The following GPR158 variants were observed in gnomAD, a reference collection of about 807,000 sequenced individuals.
The protein encoded by GPR158 is metabotropic glycine receptor.
Under a neutral mutation model 78.2 loss-of-function variants are expected in GPR158, and 30 were observed. That is an observed-to-expected ratio of 0.38 (90% CI 0.29 to 0.52). GPR158 has a LOEUF of 0.52. Ranked by LOEUF, GPR158 falls within the 20% of genes least tolerant of loss-of-function variation. The probability of loss-of-function intolerance (pLI) is 0.83; values close to 1 mark genes in which losing one functional copy is unlikely to be tolerated. For missense variants in GPR158, 1,463 were observed against 1,523.5 expected (o/e 0.96, Z 0.66); for synonymous variants, 581 against 591.1 (o/e 0.98, Z 0.25).
At chr10:25,311,918 G>A (rs191715051) in intron 2 of GPR158, among the ~76,000 whole-genome samples, 4 of 152,064 alleles carry the variant, frequency 2.6e-5, no homozygotes, top group African/African-American at 9.6e-5. Flanking sequence ...AGATTGATAT[G>A]GTTGTACATT....
chr10:25,524,771 A>G (rs909801657), intron 5 of GPR158, among the ~76,000 whole-genome samples: 6 of 152,256 alleles, frequency 3.9e-5, no homozygotes, highest in Non-Finnish European at 7.3e-5. Context: ...GTGACAAAAG[A>G]TGAAATACAT....
chr10:25,378,756 A>G (rs186968804), intron 2 of GPR158, among the ~76,000 whole-genome samples: 4 of 152,216 alleles, frequency 2.6e-5, no homozygotes, highest in African/African-American at 4.8e-5. Context: ...TATCAGCACC[A>G]TTTAACTGGA....
At chr10:25,226,392 C>T (rs1853373400) in intron 2 of GPR158, among the ~76,000 whole-genome samples, 2 of 152,282 alleles carry the variant, frequency 1.3e-5, no homozygotes, top group South Asian at 4.1e-4. Flanking sequence ...CCCTGAGTTT[C>T]CTTGTACACT....
At chr10:25,485,289 G>T (rs1564468544) in intron 5 of GPR158, among the ~76,000 whole-genome samples, 1 of 151,830 alleles carries the variant, frequency 6.6e-6, no homozygotes, top group Non-Finnish European at 1.5e-5. Flanking sequence ...TACTTTAAGT[G>T]TCAAGGGCTA....
At position 25,175,911 on chromosome 10, in the gene GPR158, T is replaced by A; in HGVS notation, c.491T>A (p.Leu164His). ...TGGTACCAGGCGCTGGTGTGGAGCC[T>A]TCTGGAGGGCGAGCCCAGCATCTCC... ...LDWYQALVWSLLEGEPSISRA... is the reference protein window; with the variant it reads ...LDWYQALVWSHLEGEPSISRA... Residue 164 changes from leucine (L) to histidine (H), a missense_variant, in exon 1 of 11, where the codon CTT (leucine) becomes CAT (histidine). Physicochemically the swap from Leu to His is moderately conservative, Grantham distance 99. Coordinates refer to ENST00000376351, the MANE Select transcript of GPR158 (RefSeq NM_020752.3). The surrounding 1 kb of genome is among the most constrained non-coding windows in gnomAD (Gnocchi z 6.4). 1 of 1,613,778 alleles carries A rather than the reference T, an allele frequency of 6.2e-7. No homozygotes were observed. The highest frequency in any genetic ancestry group is 8.5e-7 in the Non-Finnish European group (1 of 1,179,984).
intron 2 of GPR158, among the ~76,000 whole-genome samples, chr10:25,357,537 C>T (rs1475521163): frequency 6.6e-6 from 1 of 152,062 alleles, no homozygotes; most frequent in East Asian, 1.9e-4. Flanking sequence ...CAGTCATGAC[C>T]AAAATGGGCC....
intron 2 of GPR158, among the ~76,000 whole-genome samples, chr10:25,249,353 A>C (rs1414527246): frequency 2.0e-5 from 3 of 152,170 alleles, no homozygotes; most frequent in Non-Finnish European, 2.9e-5. Flanking sequence ...ACTATGTTGA[A>C]TAGGAGTGGT....
intron 1 of GPR158, among the ~76,000 whole-genome samples, chr10:25,181,182 G>C (rs773236807): frequency 1.3e-5 from 2 of 152,192 alleles, no homozygotes; most frequent in East Asian, 1.9e-4. Context: ...AGGAATAGCC[G>C]AGAGGTGTTT....
intron 4 of GPR158, among the ~76,000 whole-genome samples, chr10:25,454,499 C>G (rs1362955631): frequency 6.6e-6 from 1 of 152,054 alleles, no homozygotes; most frequent in Non-Finnish European, 1.5e-5. Flanking sequence ...TTGAAGAAGG[C>G]AAGCCTGGAT....
rs144206996 is a variant in GPR158 at position 25,366,179 on chromosome 10, T to A, written c.1009-29732T>A. Among the ~76,000 whole-genome samples the A allele has an allele frequency of 1.2e-3, 185 of 151,820 alleles. 2 individuals are homozygous for A. The highest frequency in any genetic ancestry group is 2.4e-3 in the Admixed American group (37 of 15,198). ...TGTTTTTTTGGTAATTTGGGACTGT[T>A]ACAAATAGTCCATTTATTTTTGCAT... On this transcript the variant is annotated intron_variant, in intron 2 of 10. Transcript: ENST00000376351.
chr10:25,520,648 G>A (rs899970987), intron 5 of GPR158, among the ~76,000 whole-genome samples: 5 of 151,456 alleles, frequency 3.3e-5, no homozygotes, highest in Admixed American at 3.3e-4. Context: ...AGGTGTCAGT[G>A]TGCCCCTGCT....
At chr10:25,221,199 C>T (rs1342812497) in intron 2 of GPR158, 42 bp downstream of exon 2, 6 of 995,300 alleles carry the variant, frequency 6.0e-6, no homozygotes, top group Non-Finnish European at 9.4e-6. Context: ...CTCAGGAATA[C>T]ATTATTTTGA....
At chr10:25,429,915 G>T (rs1420623275) in intron 4 of GPR158, among the ~76,000 whole-genome samples, 3 of 139,398 alleles carry the variant, frequency 2.2e-5, no homozygotes, top group African/African-American at 8.2e-5. Flanking sequence ...TACTGAATGG[G>T]CAAAAACTGG....
At chr10:25,555,713 G>T (rs4749047) in intron 6 of GPR158, among the ~76,000 whole-genome samples, 86,350 of 151,816 alleles carry the variant, frequency 0.57, 26,621 homozygotes, top group African/African-American at 0.82. Flanking sequence ...GAAGACTCTT[G>T]GGCTTTTCCT....
At position 25,434,139 on chromosome 10, in the gene GPR158, C is replaced by T. The variant is rs112320161; in HGVS notation, c.1335+21666C>T. ...ATGCGCCACTGCACTCCAGCCTGGG[C>T]GACACAGCAAGACTCTGTCTCAAAA... On this transcript the variant is annotated intron_variant, in intron 4 of 10. Coordinates refer to ENST00000376351, the MANE Select transcript of GPR158 (RefSeq NM_020752.3). Among the ~76,000 whole-genome samples the T allele has an allele frequency of 7.2e-4, 110 of 151,958 alleles. 1 individual carries two copies. The highest frequency in any genetic ancestry group is 2.4e-3 in the African/African-American group (99 of 41,426).
chr10:25,192,265 C>T (rs1048850840), intron 1 of GPR158, among the ~76,000 whole-genome samples: 1 of 152,166 alleles, frequency 6.6e-6, no homozygotes, highest in Non-Finnish European at 1.5e-5. Context: ...CCTTGCTTCT[C>T]CTTCACCTTC....
intron 5 of GPR158, among the ~76,000 whole-genome samples, chr10:25,494,481 C>T (rs1364638846): frequency 6.6e-6 from 1 of 152,036 alleles, no homozygotes; most frequent in Non-Finnish European, 1.5e-5. Context: ...TTTGGTACTG[C>T]TTTTTTCTAT....
At chr10:25,209,936 C>G (rs1853105943) in intron 1 of GPR158, among the ~76,000 whole-genome samples, 1 of 152,118 alleles carries the variant, frequency 6.6e-6, no homozygotes, top group Non-Finnish European at 1.5e-5. Flanking sequence ...TAGTTCTGGG[C>G]TTGAGCTAAA....
chr10:25,577,741 A>G (rs1229455255), intron 7 of GPR158, among the ~76,000 whole-genome samples: 2 of 152,348 alleles, frequency 1.3e-5, no homozygotes, highest in African/African-American at 4.8e-5. Flanking sequence ...AAAGAGCCAC[A>G]GTTTCTTCTT....
Sources: gnomAD v4.1 joint callset for allele counts (sites outside exome capture counted in the v4.1 genomes callset) on GRCh38, gnomAD v4.1.1 for gene constraint, Gnocchi (gnomAD v3.1) non-coding constraint, MANE v1.5 for transcripts, NCBI Gene and HGNC (gene_info 2026-07-23, HGNC 2026-07-21) for gene names.